DGKB: variants seen among roughly 807,000 people sequenced by gnomAD.
DGKB encodes 90 kDa diacylglycerol kinase.
In DGKB, 67 loss-of-function variants were observed where a neutral mutation model predicts 114.3. That is an observed-to-expected ratio of 0.59 (90% CI 0.48 to 0.72). The LOEUF is 0.72. DGKB is among the 30% of genes least tolerant of loss of function. The pLI, the probability that DGKB is intolerant of heterozygous loss-of-function variation, is 0.00. For synonymous variants in DGKB, 398 were observed against 323.1 expected (o/e 1.23, Z -2.49); for missense variants, 907 against 975.2 (o/e 0.93, Z 0.93).
chr7:14,204,968 A>G (rs1786516167), intron 23 of DGKB, among the ~76,000 whole-genome samples: 1 of 152,050 alleles, frequency 6.6e-6, no homozygotes, highest in Non-Finnish European at 1.5e-5. Context: ...TAGCTATTCA[A>G]GAAATATCCT....
chr7:14,917,306 T>G (rs1254921241), intron 1 of DGKB, among the ~76,000 whole-genome samples: 1 of 151,696 alleles, frequency 6.6e-6, no homozygotes, highest in East Asian at 1.9e-4. Context: ...ATGGAAAACA[T>G]GAAATCAATA....
intron 23 of DGKB, among the ~76,000 whole-genome samples, chr7:14,318,707 C>A (rs937409765): frequency 1.8e-4 from 27 of 152,020 alleles, no homozygotes; most frequent in Non-Finnish European, 2.8e-4. Flanking sequence ...AACTAGTTCA[C>A]CCATTGTGGA....
intron 7 of DGKB, among the ~76,000 whole-genome samples, chr7:14,701,204 C>T (rs949050036): frequency 2.6e-5 from 4 of 152,116 alleles, no homozygotes; most frequent in Non-Finnish European, 4.4e-5. Flanking sequence ...TCTGTAAATA[C>T]ATTTACCTAT....
chr7:14,859,842 G>A (rs1409311887), intron 1 of DGKB, among the ~76,000 whole-genome samples: 1 of 152,014 alleles, frequency 6.6e-6, no homozygotes, highest in Non-Finnish European at 1.5e-5. Flanking sequence ...TAAAGCCAAT[G>A]ATCCCATCTA....
intron 9 of DGKB, 136 bp from the exon 10 acceptor site, chr7:14,685,498 AC>A: frequency 1.5e-6 from 1 of 647,926 alleles, no homozygotes; most frequent in Non-Finnish European, 2.7e-6. Flanking sequence ...CTCCAAGATC[AC>A]CGCAGAGCCT....
rs1248379239 is a variant in DGKB, at chr7:14,930,149, G to A, written c.-188+44547C>T. Among the ~76,000 whole-genome samples the A allele has an allele frequency of 2.6e-5, 4 of 152,078 alleles. No individual in the cohort carries two copies. In the East Asian group the frequency reaches 7.7e-4, roughly 29 times the overall value. ...AGCCCTATAGCATAATTTGAGGTCA[G>A]GTCATGTGATTCCTCCAGCTTTGTT... On this transcript the variant is annotated intron_variant, in intron 1 of 4. Coordinates refer to the DGKB transcript ENST00000437998.
chr7:14,712,234 AAAGC>A (rs557143318), intron 6 of DGKB, among the ~76,000 whole-genome samples: 130 of 152,294 alleles, frequency 8.5e-4, no homozygotes, highest in African/African-American at 3.1e-3. Flanking sequence ...GAAAATAGAA[AAAGC>A]AAGAAAAAAT....
chr7:14,188,969 T>A (rs188793355), intron 23 of DGKB, among the ~76,000 whole-genome samples: 6 of 152,160 alleles, frequency 3.9e-5, no homozygotes, highest in Middle Eastern at 3.4e-3. Flanking sequence ...GAAATAAAAA[T>A]TTTTGCAGAT....
chr7:14,825,401 C>G (rs983595731), intron 2 of DGKB, among the ~76,000 whole-genome samples: 11 of 152,018 alleles, frequency 7.2e-5, no homozygotes, highest in African/African-American at 2.7e-4. Flanking sequence ...AGTGGGAGCC[C>G]TACGCTTGTT....
intron 1 of DGKB, among the ~76,000 whole-genome samples, chr7:14,930,721 G>A (rs895861438): frequency 5.3e-5 from 8 of 152,044 alleles, no homozygotes; most frequent in African/African-American, 1.9e-4. Flanking sequence ...TAATTGTTCT[G>A]CCTAGGACTT....
intron 5 of DGKB, among the ~76,000 whole-genome samples, chr7:14,721,520 A>G (rs10249691): frequency 0.53 from 80,457 of 151,332 alleles, 21,760 homozygotes; most frequent in East Asian, 0.87. Context: ...TATCACATGG[A>G]ATACGGTTAA....
chr7:14,273,990 T>G (rs1285411869), intron 23 of DGKB, among the ~76,000 whole-genome samples: 1 of 152,214 alleles, frequency 6.6e-6, no homozygotes, highest in Non-Finnish European at 1.5e-5. Context: ...AACATATTTG[T>G]ATTTCATTGT....
chr7:14,966,107 A>G (rs1587472739), intron 1 of DGKB, among the ~76,000 whole-genome samples: 1 of 152,086 alleles, frequency 6.6e-6, no homozygotes, highest in East Asian at 1.9e-4. Context: ...AAATCTTAAT[A>G]TTGGTTGAAG....
intron 23 of DGKB, chr7:14,209,164 C>G (rs1244521752): frequency 3.7e-6 from 1 of 270,824 alleles, no homozygotes; most frequent in African/African-American, 3.3e-5. Flanking sequence ...GTAACTATTA[C>G]TACTGATAGA....
At chr7:14,738,300 T>C (rs1832049601) in intron 4 of DGKB, among the ~76,000 whole-genome samples, 1 of 152,256 alleles carries the variant, frequency 6.6e-6, no homozygotes, top group African/African-American at 2.4e-5. Context: ...GCATTGTGGT[T>C]AGAAGCAAAG....
intron 13 of DGKB, among the ~76,000 whole-genome samples, chr7:14,660,662 C>G (rs2128922714): frequency 6.6e-6 from 1 of 151,892 alleles, no homozygotes; most frequent in South Asian, 2.1e-4. Flanking sequence ...CCATCCCCAT[C>G]AAGCTACCAA....
intron 1 of DGKB, among the ~76,000 whole-genome samples, chr7:14,865,011 A>C (rs1027932602): frequency 1.3e-5 from 2 of 152,188 alleles, no homozygotes; most frequent in East Asian, 1.9e-4. Flanking sequence ...GAGTAGACGC[A>C]AAAGTCACAG....
At chr7:14,187,673 C>A (rs1783652885) in intron 23 of DGKB, among the ~76,000 whole-genome samples, 2 of 152,102 alleles carry the variant, frequency 1.3e-5, no homozygotes, top group Non-Finnish European at 2.9e-5. Context: ...GCCAATGCAC[C>A]ACATTTAACA....
intron 13 of DGKB, among the ~76,000 whole-genome samples, chr7:14,665,996 CAGAAG>C (rs1817954325): frequency 6.6e-6 from 1 of 151,796 alleles, no homozygotes; most frequent in South Asian, 2.1e-4. Context: ...TGCAGAGAAA[CAGAAG>C]AGAAATTTAT....
Sources: allele counts gnomAD v4.1 joint callset (sites outside exome capture counted in the v4.1 genomes callset), GRCh38; gene constraint gnomAD v4.1.1; transcripts MANE v1.5; gene names NCBI Gene and HGNC (gene_info 2026-07-23, HGNC 2026-07-21).